Variants in ADAMTSL3 observed in about 807,000 individuals in gnomAD.
ADAMTSL3 encodes ADAMTS like 3, also known as ADAMTS-like protein 3.
In ADAMTSL3, 128 loss-of-function variants were observed where a neutral mutation model predicts 201.7. The ratio of observed to expected loss-of-function variants is 0.63; its 90% confidence interval spans 0.55 to 0.73. ADAMTSL3 has a LOEUF of 0.73. ADAMTSL3 is among the 30% of genes least tolerant of loss of function. The pLI, the probability that ADAMTSL3 is intolerant of heterozygous loss-of-function variation, is 0.00. For missense variants in ADAMTSL3, 1,990 were observed against 2,119.6 expected, an observed-to-expected ratio of 0.94 and a Z score of 1.20; for synonymous variants, 738 against 748.4, an observed-to-expected ratio of 0.99 and a Z score of 0.23.
intron 22 of ADAMTSL3, among the ~76,000 whole-genome samples, chr15:83,990,615 T>A (rs1040513680): frequency 3.9e-5 from 6 of 152,154 alleles, no homozygotes; most frequent in African/African-American, 1.2e-4. Context: ...TCCCCCAGTA[T>A]CTCACATCCC....
rs1176523552 is a variant in ADAMTSL3 at position 83,963,439 on chromosome 15, A to C, written c.2491-7045A>C. Among the ~76,000 whole-genome samples the C allele has an allele frequency of 2.6e-5, 4 of 152,198 alleles. No individual in the cohort carries two copies. The East Asian group carries it at 7.7e-4, about 29-fold the overall frequency. ...CACCACAGCTTGGCAAAGCCACTGT[A>C]GCCAGACTGCTTCTCTAGATTCCTC... On this transcript the variant is annotated intron_variant, in intron 19 of 29. Coordinates refer to ENST00000286744, the MANE Select transcript of ADAMTSL3 (RefSeq NM_207517.3).
chr15:83,934,178 G>A lies in ADAMTSL3; in HGVS notation c.2118-8418G>A, dbSNP rs187387488. On this transcript the variant is annotated intron_variant, in intron 17 of 29. Coordinates refer to ENST00000286744, the MANE Select transcript of ADAMTSL3 (RefSeq NM_207517.3). Reference sequence around the variant, plus strand: ...TCAGCCCATGAAAGCAGCTGGGAGGGGGGGCTGTACCCTGCAAAGCCACAA... The same window carrying A: ...TCAGCCCATGAAAGCAGCTGGGAGGAGGGGCTGTACCCTGCAAAGCCACAA... Among the ~76,000 whole-genome samples, 572 of 152,312 alleles carry A rather than the reference G, an allele frequency of 3.8e-3. 3 individuals are homozygous for A. Among genetic ancestry groups the A allele is most frequent in the Non-Finnish European group, 6.4e-3 (433 of 68,024 alleles).
chr15:83,663,126 G>A (rs1396405946), intron 2 of ADAMTSL3, among the ~76,000 whole-genome samples: 2 of 152,144 alleles, frequency 1.3e-5, no homozygotes, highest in African/African-American at 4.8e-5. Flanking sequence ...GCTTCTTACT[G>A]TGCCAGACAG....
chr15:83,897,989 G>A lies in ADAMTSL3; in HGVS notation c.1599G>A (p.Pro533=), dbSNP rs762651832. ...AAGAAGAATGTGTCATTCCCATCCC[G>A]TGTTATAAACCAAAAGGTAAGTCTG... ...HIKEECVIPI[P]CYKPKEKSPV... Residue 533 remains proline (P), a synonymous_variant, in exon 14 of 30, where the codon CCG becomes CCA. Transcript: ENST00000286744. The A allele has an allele frequency of 9.3e-6, 15 of 1,613,182 alleles. No homozygotes were observed. The highest frequency in any genetic ancestry group is 6.7e-5 in the African/African-American group (5 of 74,886).
rs546373310 is a variant in ADAMTSL3, at chr15:83,742,151, A to G, written c.190-31372A>G. On this transcript the variant is annotated intron_variant, in intron 3 of 29. Coordinates refer to ENST00000286744, the MANE Select transcript of ADAMTSL3 (RefSeq NM_207517.3). ...ATATATACAATTTTATCTTAATGCA[A>G]AAATTAGAAATATGTAACCAAAGTA... Among the ~76,000 whole-genome samples the G allele has an allele frequency of 3.9e-5, 6 of 152,302 alleles. No homozygotes were observed. The East Asian group carries it at 1.2e-3, about 29-fold the overall frequency.
At chr15:83,878,792 TTTTCAGGTC>T (rs57588333) in intron 9 of ADAMTSL3, among the ~76,000 whole-genome samples, 94,137 of 151,384 alleles carry the variant, frequency 0.62, 30,530 homozygotes, top group African/African-American at 0.8. Flanking sequence ...TGGAATGCCT[TTTTCAGGTC>T]TTGACATTTT....
chr15:83,844,949 TAC>T (rs2064464453), intron 7 of ADAMTSL3, among the ~76,000 whole-genome samples: 1 of 152,212 alleles, frequency 6.6e-6, no homozygotes, highest in Admixed American at 6.5e-5. Flanking sequence ...GCCCCTGTGT[TAC>T]ATCATGTGCT....
Position 84,016,465 on chromosome 15 carries a change from C to T in ADAMTSL3, c.4239C>T (p.Asn1413=), listed in dbSNP as rs543771882. 4 of 1,613,862 alleles carry T rather than the reference C, an allele frequency of 2.5e-6. No homozygotes were observed. The East Asian group carries it at 8.9e-5, about 36-fold the overall frequency. ...YILQATNTRT[N]SNDPTGEPPP... is the part of the protein sequence containing the mutation. ...TCCAGGCAACCAACACTAGAACCAA[C>T]AGCAATGACCCAACAGGAGAACCCC... The change falls in exon 25 of 30, where the codon AAC becomes AAT. Residue 1413 remains asparagine (N), a synonymous_variant. Transcript: ENST00000286744.
intron 19 of ADAMTSL3, among the ~76,000 whole-genome samples, chr15:83,946,508 G>C (rs1328129949): frequency 6.6e-6 from 1 of 152,154 alleles, no homozygotes; most frequent in Non-Finnish European, 1.5e-5. Flanking sequence ...CATCCACATG[G>C]TCTTCCCATC....
rs895318451 is a variant in ADAMTSL3, at chr15:83,675,781, A to G, written c.69+19951A>G. On this transcript the variant is annotated intron_variant, in intron 2 of 29. Coordinates refer to ENST00000286744, the MANE Select transcript of ADAMTSL3 (RefSeq NM_207517.3). ...AACTCAATTTCCTTAACAGTTATATAGTATTATTCAGGTTATCTATTTTAT... is the reference window on the plus strand; with the variant it reads ...AACTCAATTTCCTTAACAGTTATATGGTATTATTCAGGTTATCTATTTTAT... 5.3e-5 allele frequency among the ~76,000 whole-genome samples: 8 copies of G among 152,152 alleles called. No individual in the cohort carries two copies. In the East Asian group the frequency reaches 1.3e-3, roughly 26 times the overall value.
intron 3 of ADAMTSL3, among the ~76,000 whole-genome samples, chr15:83,726,306 GT>G (rs2062173950): frequency 6.6e-6 from 1 of 151,954 alleles, no homozygotes; most frequent in South Asian, 2.1e-4. Flanking sequence ...GTTATCTTTA[GT>G]TTTTTCCAAA....
intron 5 of ADAMTSL3, among the ~76,000 whole-genome samples, chr15:83,816,446 A>T (rs992274312): frequency 6.6e-6 from 1 of 152,192 alleles, no homozygotes; most frequent in Admixed American, 6.5e-5. Context: ...AACTCTTGTT[A>T]ATTTTGTGAA....
chr15:83,844,798 G>A (rs1449170055), intron 7 of ADAMTSL3, among the ~76,000 whole-genome samples: 1 of 152,208 alleles, frequency 6.6e-6, no homozygotes, highest in Non-Finnish European at 1.5e-5. Flanking sequence ...CATGTAGACT[G>A]TGTTGCAAAG....
chr15:83,827,949 C>T (rs564892315), intron 6 of ADAMTSL3, among the ~76,000 whole-genome samples: 6 of 152,228 alleles, frequency 3.9e-5, no homozygotes, highest in South Asian at 2.1e-4. Context: ...AGTCAGGTAA[C>T]GTGATGCCTC....
chr15:83,808,333 T>C (rs2063635826), intron 5 of ADAMTSL3, among the ~76,000 whole-genome samples: 1 of 152,162 alleles, frequency 6.6e-6, no homozygotes. Flanking sequence ...AAGGCCTTAA[T>C]GGACATTTCT....
At chr15:83,914,517 A>G (rs1407472602) in intron 16 of ADAMTSL3, among the ~76,000 whole-genome samples, 2 of 152,222 alleles carry the variant, frequency 1.3e-5, no homozygotes, top group Non-Finnish European at 2.9e-5. Context: ...CTAAAGTGGC[A>G]TGTGCCTTAC....
intron 17 of ADAMTSL3, among the ~76,000 whole-genome samples, chr15:83,934,808 A>G (rs538604914): frequency 6.6e-6 from 1 of 152,092 alleles, no homozygotes; most frequent in Non-Finnish European, 1.5e-5. Context: ...AATCACATCA[A>G]CAAATGATTG....
intron 3 of ADAMTSL3, among the ~76,000 whole-genome samples, chr15:83,769,036 A>G (rs1021460613): frequency 2.6e-5 from 4 of 152,140 alleles, no homozygotes; most frequent in African/African-American, 7.2e-5. Flanking sequence ...CTATCCAATC[A>G]GAGAAGCCAA....
chr15:83,658,533 C>A, intron 2 of ADAMTSL3, among the ~76,000 whole-genome samples: 1 of 152,234 alleles, frequency 6.6e-6, no homozygotes, highest in East Asian at 1.9e-4. Flanking sequence ...GTAACTCGTT[C>A]TTGACCATTC....
Sources: allele counts gnomAD v4.1 joint callset (sites outside exome capture counted in the v4.1 genomes callset), GRCh38; gene constraint gnomAD v4.1.1; transcripts MANE v1.5; gene names NCBI Gene and HGNC (gene_info 2026-07-23, HGNC 2026-07-21).